Variants in SCUBE2 observed in about 807,000 individuals in gnomAD.
The protein encoded by SCUBE2 is signal peptide, CUB domain and EGF like domain containing 2, also known as signal peptide, CUB and EGF-like domain-containing protein 2.
In SCUBE2, 114 loss-of-function variants were observed where a neutral mutation model predicts 125.9. The ratio of observed to expected loss-of-function variants is 0.91; its 90% CI spans 0.78 to 1.06. The LOEUF (loss-of-function observed/expected upper bound fraction) is 1.06. SCUBE2 is among the 50% of genes least tolerant of loss of function. SCUBE2 has a pLI of 0.00. For missense variants in SCUBE2, 1,255 were observed against 1,301.8 expected, an observed-to-expected ratio of 0.96 and a Z score of 0.55; for synonymous variants, 459 against 492.9, an observed-to-expected ratio of 0.93 and a Z score of 0.91.
chr11:9,044,071 A>G (rs1373558132), intron 16 of SCUBE2, among the ~76,000 whole-genome samples: 1 of 152,214 alleles, frequency 6.6e-6, no homozygotes, highest in Non-Finnish European at 1.5e-5. Context: ...GCCATATAAA[A>G]ATTAGCAATA....
chr11:9,088,157 G>T (rs1451404553), intron 2 of SCUBE2, among the ~76,000 whole-genome samples: 1 of 152,206 alleles, frequency 6.6e-6, no homozygotes, highest in African/African-American at 2.4e-5. Flanking sequence ...TGGACACTAG[G>T]CCATTAAATG....
intron 7 of SCUBE2, chr11:9,064,866 A>G (rs1236214948): frequency 2.6e-5 from 4 of 152,144 alleles, no homozygotes; most frequent in African/African-American, 9.7e-5. Flanking sequence ...CAGAAGGAGT[A>G]ACGCACCAAA....
In SCUBE2 at chr11:9,029,977, A is replaced by G. The variant is rs1856156903; in HGVS notation, c.2410T>C (p.Tyr804His). 6.2e-6 allele frequency: 10 copies of G among 1,614,226 alleles called. No individual in the cohort carries two copies. Among genetic ancestry groups the G allele is most frequent in the East Asian group, 2.2e-5 (1 of 44,884 alleles). The change falls in exon 19 of 23, where the codon TAC becomes CAC. Residue 804 changes from tyrosine (Y) to histidine (H), a missense_variant. Transcript: ENST00000649792. ...HRCIRCPVGT[Y>H]QPEFGKNNCV... ...TTATTTTTTCCAAATTCAGGCTGGT[A>G]TGTTCCCACTGGGCAACGAATACAT...
At position 9,053,676 on chromosome 11, in the gene SCUBE2, G is replaced by A. The variant is rs1391843504; in HGVS notation, c.1291C>T (p.Pro431Ser). ...TTATTCCAGTGGAGCTTGTACCCAGGGTGGCACTGGCATTCATAGCTGCCC... is the reference window on the plus strand; with the variant it reads ...TTATTCCAGTGGAGCTTGTACCCAGAGTGGCACTGGCATTCATAGCTGCCC... ...TVGSYECQCH[P>S]GYKLHWNKKD... is the part of the protein sequence containing the mutation. Residue 431 changes from proline to serine, a missense_variant, in exon 11 of 23, where the codon CCT becomes TCT. Physicochemically the swap from Pro to Ser is moderately conservative, Grantham distance 74 (BLOSUM62 -1). Coordinates refer to ENST00000649792, the MANE Select transcript of SCUBE2 (RefSeq NM_001367977.2). 4 of 1,614,006 alleles carry A rather than the reference G, an allele frequency of 2.5e-6. No individual in the cohort carries two copies. The highest frequency in any genetic ancestry group is 2.5e-6 in the Non-Finnish European group (3 of 1,180,020).
rs78236232 is a variant in SCUBE2 at position 9,023,558 on chromosome 11, G to A, written c.2855-1603C>T. Among the ~76,000 whole-genome samples, 952 of 151,940 alleles carry A rather than the reference G, an allele frequency of 6.3e-3. 13 individuals carry two copies. Among genetic ancestry groups the A allele is most frequent in the African/African-American group, 0.022 (906 of 41,494 alleles). ...CACCAAATGCTTCCCGACTGCTATC[G>A]TTTAAAAAAAATATTTCTTCTGCTT... On this transcript the variant is annotated intron_variant, in intron 21 of 22. Transcript: ENST00000649792.
rs756184692 is a variant in SCUBE2 at position 9,021,922 on chromosome 11, C to G, written c.2888G>C (p.Arg963Pro). ...CTCAGATGCATAGAGCCTGCCATCTCGAACTATGTCTTCAATGAGTTCCTG... is the reference window on the plus strand; with the variant it reads ...CTCAGATGCATAGAGCCTGCCATCTGGAACTATGTCTTCAATGAGTTCCTG... ...DYQELIEDIV[R>P]DGRLYASENH... is the part of the protein sequence containing the mutation. The change falls in exon 22 of 23, where the codon CGA (arginine) becomes CCA (proline). Residue 963 changes from arginine to proline, a missense_variant. Transcript: ENST00000649792. 1 of 1,613,796 alleles carries G rather than the reference C, an allele frequency of 6.2e-7. No individual in the cohort carries two copies. The highest frequency in any genetic ancestry group is 8.5e-7 in the Non-Finnish European group (1 of 1,179,830).
At chr11:9,057,722 G>A (rs538869499) in intron 9 of SCUBE2, among the ~76,000 whole-genome samples, 12 of 151,994 alleles carry the variant, frequency 7.9e-5, no homozygotes, top group South Asian at 4.2e-4. Flanking sequence ...TAGTAGAGAC[G>A]GGGTTTTGCC....
intron 4 of SCUBE2, among the ~76,000 whole-genome samples, chr11:9,071,968 G>A (rs565760223): frequency 6.6e-6 from 1 of 152,122 alleles, no homozygotes; most frequent in South Asian, 2.1e-4. Flanking sequence ...CATTATATGG[G>A]TGAAAACACA....
chr11:9,021,797 G>T, intron 22 of SCUBE2, 79 bp downstream of exon 22: 2 of 1,056,024 alleles, frequency 1.9e-6, no homozygotes, highest in Non-Finnish European at 3.0e-6. Context: ...GCAACAAGGA[G>T]CAGGAGGAGA....
intron 16 of SCUBE2, 84 bp downstream of exon 16, chr11:9,047,272 A>C: frequency 7.2e-7 from 1 of 1,383,830 alleles, no homozygotes; most frequent in Non-Finnish European, 1.0e-6. Context: ...AGAAGGGAGG[A>C]TGGGCCAGAC....
chr11:9,071,535 T>A (rs1860802386), intron 4 of SCUBE2, among the ~76,000 whole-genome samples: 1 of 152,178 alleles, frequency 6.6e-6, no homozygotes, highest in Non-Finnish European at 1.5e-5. Context: ...AGCAGATTAA[T>A]CTGTTCCAAA....
At chr11:9,021,769 C>T in intron 22 of SCUBE2, 107 bp downstream of exon 22, 2 of 821,196 alleles carry the variant, frequency 2.4e-6, no homozygotes, top group Non-Finnish European at 2.1e-6. Flanking sequence ...CCAGGACAGG[C>T]TCCGTGTCTG....
At chr11:9,082,729 G>A (rs573711418) in intron 2 of SCUBE2, among the ~76,000 whole-genome samples, 7 of 152,294 alleles carry the variant, frequency 4.6e-5, no homozygotes, top group South Asian at 2.1e-4. Flanking sequence ...ACAAAAGACC[G>A]CATATTGTAT....
At chr11:9,051,304 G>A (rs1404442890) in intron 13 of SCUBE2, among the ~76,000 whole-genome samples, 6 of 151,830 alleles carry the variant, frequency 4.0e-5, no homozygotes, top group South Asian at 2.1e-4. Context: ...TAGCCTCCAC[G>A]GTGAAATAGA....
intron 16 of SCUBE2, among the ~76,000 whole-genome samples, chr11:9,046,404 G>A (rs2135382942): frequency 6.6e-6 from 1 of 152,244 alleles, no homozygotes; most frequent in South Asian, 2.1e-4. Flanking sequence ...ACATACCCAT[G>A]GTAGTATTAG....
At chr11:9,083,786 C>T (rs1053750471) in intron 2 of SCUBE2, among the ~76,000 whole-genome samples, 16 of 152,050 alleles carry the variant, frequency 1.1e-4, no homozygotes, top group Admixed American at 3.3e-4. Flanking sequence ...GTGACCCACC[C>T]GCCTCGGCCT....
Position 9,079,339 on chromosome 11 carries a change from G to T in SCUBE2, c.382+45C>A, listed in dbSNP as rs753993812. 25 of 1,611,460 alleles carry T rather than the reference G, an allele frequency of 1.6e-5. No homozygotes were observed. The East Asian group carries it at 1.6e-4, about 10-fold the overall frequency. The stretch of plus-strand genomic sequence containing the variant: ...GGTCTTCACCAAGGGAAAGAAAGGG[G>T]TGGGAGAGTGAAGGAGAATTGCCAT... On this transcript the variant is annotated intron_variant, in intron 3 of 22. Coordinates refer to ENST00000649792, the MANE Select transcript of SCUBE2 (RefSeq NM_001367977.2).
intron 21 of SCUBE2, among the ~76,000 whole-genome samples, chr11:9,023,012 A>G (rs961734486): frequency 6.6e-6 from 1 of 152,174 alleles, no homozygotes; most frequent in Non-Finnish European, 1.5e-5. Context: ...GTGTTCTCTC[A>G]TTAATATTTT....
At chr11:9,056,077 G>A (rs565452884) in intron 9 of SCUBE2, among the ~76,000 whole-genome samples, 168 bp from the exon 10 acceptor site, 1 of 152,188 alleles carries the variant, frequency 6.6e-6, no homozygotes, top group Non-Finnish European at 1.5e-5. Context: ...AAAGTGTGGA[G>A]CAGCCCACAA....
Sources: gnomAD v4.1 joint callset for allele counts (sites outside exome capture counted in the v4.1 genomes callset) on GRCh38, gnomAD v4.1.1 for gene constraint, MANE v1.5 for transcripts, NCBI Gene and HGNC (gene_info 2026-07-23, HGNC 2026-07-21) for gene names.